Variants in IGSF9 observed in about 807,000 individuals in gnomAD.
IGSF9 encodes the protein protein turtle homolog A.
IGSF9 carries 87 observed loss-of-function variants against 121.7 expected under a neutral mutation model. The ratio of observed to expected loss-of-function variants is 0.71; its 90% CI spans 0.60 to 0.85. The LOEUF (loss-of-function observed/expected upper bound fraction) is 0.85. IGSF9 is among the 40% of genes least tolerant of loss of function. The pLI is 0.00. For synonymous variants in IGSF9, 640 were observed against 648.4 expected, an observed-to-expected ratio of 0.99 and a Z score of 0.20; for missense variants, 1,462 against 1,565.3, an observed-to-expected ratio of 0.93 and a Z score of 1.11.
Position 159,929,733 on chromosome 1 carries a change from C to G in IGSF9, c.2231G>C (p.Cys744Ser), listed in dbSNP as rs1650910289. The G allele has an allele frequency of 6.2e-7, 1 of 1,602,354 alleles. No homozygotes were observed. Among genetic ancestry groups the G allele is most frequent in the Admixed American group, 1.7e-5 (1 of 58,360 alleles). The change falls in exon 17 of 21, where the codon TGC (cysteine) becomes TCC (serine). Residue 744 changes from cysteine to serine, a missense_variant. Coordinates refer to ENST00000368094, the MANE Select transcript of IGSF9 (RefSeq NM_001135050.2). Reference sequence around the variant, plus strand: ...CACAAGGACGGCCACTCCCAGAAAGCAGACTCCGCCCACCACGCCGGCCAG... The same window carrying G: ...CACAAGGACGGCCACTCCCAGAAAGGAGACTCCGCCCACCACGCCGGCCAG... ...PVLAGVVGGV[C>S]FLGVAVLVSI...
intron 3 of IGSF9, among the ~76,000 whole-genome samples, chr1:159,940,526 T>A (rs1651341592): frequency 6.6e-6 from 1 of 152,116 alleles, no homozygotes; most frequent in Non-Finnish European, 1.5e-5. Context: ...GGAGACACAG[T>A]CTCTGCTCTC....
intron 3 of IGSF9, among the ~76,000 whole-genome samples, chr1:159,938,341 C>A (rs1651267507): frequency 6.6e-6 from 1 of 152,190 alleles, no homozygotes; most frequent in African/African-American, 2.4e-5. Flanking sequence ...TCCCTCAGGG[C>A]TATTATCAGC....
intron 19 of IGSF9, 90 bp downstream of exon 19, chr1:159,928,068 G>A: frequency 6.6e-7 from 1 of 1,517,298 alleles, no homozygotes; most frequent in Non-Finnish European, 8.9e-7. Context: ...GGTGGGAGTG[G>A]AGCAGAGAAG....
rs778769134 is a variant in IGSF9 at position 159,929,694 on chromosome 1, C to A, written c.2270G>T (p.Gly757Val). 6.3e-7 allele frequency: 1 copy of A among 1,597,504 alleles called. No homozygotes were observed. Among genetic ancestry groups the A allele is most frequent in the South Asian group, 1.1e-5 (1 of 88,398 alleles). The change falls in exon 17 of 21, where the codon GGC becomes GTC. Residue 757 changes from glycine (G) to valine (V), a missense_variant. By Grantham distance (109) the Gly-to-Val change is moderately radical (BLOSUM62 -3). Around this residue, in one of 3 missense-constraint regions of IGSF9, gnomAD observed 808 missense variants for 815.2 expected, o/e 0.99. Transcript: ENST00000368094. ...GVAVLVSILAGCLLNRRRAAR... is the reference protein window; with the variant it reads ...GVAVLVSILAVCLLNRRRAAR... The stretch of plus-strand genomic sequence containing the variant: ...AGCCCTGCGCCGGTTCAGGAGGCAG[C>A]CGGCCAGGATGCTCACAAGGACGGC...
rs1650838004 is a variant in IGSF9, at chr1:159,928,527, T to C, written c.2861A>G (p.Asp954Gly). ...LEEPSPAAPP[D>G]YMDTRRCPTS... is the part of the protein sequence containing the mutation. ...GGGACAGCGCCGGGTATCCATGTAA[T>C]CTGGGGGTGCAGCAGGGCTGGGCTC... The change falls in exon 19 of 21, where the codon GAT (aspartate) becomes GGT (glycine). Residue 954 changes from aspartate to glycine, a missense_variant. By Grantham distance (94) the Asp-to-Gly change is moderately conservative (BLOSUM62 -1). Transcript: ENST00000368094. The C allele has an allele frequency of 6.4e-7, 1 of 1,561,968 alleles. No homozygotes were observed. The highest frequency in any genetic ancestry group is 8.7e-7 in the Non-Finnish European group (1 of 1,151,900).
Position 159,934,763 on chromosome 1 carries a change from A to C in IGSF9, c.733T>G (p.Ser245Ala). Residue 245 changes from serine to alanine, a missense_variant, in exon 7 of 21, where the codon TCA becomes GCA. By Grantham distance (99) the Ser-to-Ala change is moderately conservative. Around this residue, in one of 3 missense-constraint regions of IGSF9, gnomAD observed 558 missense variants for 599.4 expected, o/e 0.93. Coordinates refer to ENST00000368094, the MANE Select transcript of IGSF9 (RefSeq NM_001135050.2). Reference protein sequence around the residue: ...NSTVNASQDVSLACHAEAYPA... With the variant: ...NSTVNASQDVALACHAEAYPA... Reference sequence around the variant, plus strand: ...TATGCCTCAGCATGGCAGGCCAATGAAACATCCTGGGAGGCATTGACTGTG... The same window carrying C: ...TATGCCTCAGCATGGCAGGCCAATGCAACATCCTGGGAGGCATTGACTGTG... 6.2e-7 allele frequency: 1 copy of C among 1,614,186 alleles called. No individual in the cohort carries two copies. The highest frequency in any genetic ancestry group is 1.1e-5 in the South Asian group (1 of 91,088).
Position 159,930,744 on chromosome 1 carries a change from C to A in IGSF9, c.1761G>T (p.Gln587His). ...HTQYQFSVLA[Q>H]NKLGSGPFSE... is the part of the protein sequence containing the mutation. Reference sequence around the variant, plus strand: ...TGAAGGGACCACTCCCCAGCTTGTTCTGAGCTAGCACGCTGAACTGGTACT... The same window carrying A: ...TGAAGGGACCACTCCCCAGCTTGTTATGAGCTAGCACGCTGAACTGGTACT... The change falls in exon 14 of 21, where the codon CAG becomes CAT. Residue 587 changes from glutamine (Q) to histidine (H), a missense_variant. By Grantham distance (24) the Gln-to-His change is conservative. Around this residue, in one of 3 missense-constraint regions of IGSF9, gnomAD observed 808 missense variants for 815.2 expected, o/e 0.99. Transcript: ENST00000368094. 6.2e-7 allele frequency: 1 copy of A among 1,614,160 alleles called. No homozygotes were observed. Among genetic ancestry groups the A allele is most frequent in the Non-Finnish European group, 8.5e-7 (1 of 1,180,010 alleles).
Position 159,943,462 on chromosome 1 carries a change from C to G in IGSF9, c.-8G>C, listed in dbSNP as rs1571223038. 6.4e-7 allele frequency: 1 copy of G among 1,558,554 alleles called. No individual in the cohort carries two copies. The highest frequency in any genetic ancestry group is 8.7e-7 in the Non-Finnish European group (1 of 1,152,366). ...GCCGAGGCACCACACCATAGCCCAGCTGGCCTGCTCACCCAGCCCCTCCTA... is the reference window on the plus strand; with the variant it reads ...GCCGAGGCACCACACCATAGCCCAGGTGGCCTGCTCACCCAGCCCCTCCTA... On this transcript the variant is annotated 5_prime_UTR_variant, in exon 2 of 21. Transcript: ENST00000368094.
intron 18 of IGSF9, 84 bp from the exon 19 acceptor site, chr1:159,929,102 G>T: frequency 1.4e-6 from 2 of 1,454,898 alleles, no homozygotes; most frequent in Non-Finnish European, 1.8e-6. Flanking sequence ...GAGGTTTGGT[G>T]AACAACAGAG....
Position 159,927,097 on chromosome 1 carries a change from C to CACACACACAGAG in IGSF9, c.*247_*248insCTCTGTGTGTGT, listed in dbSNP as rs762782876. On this transcript the variant is annotated 3_prime_UTR_variant, in exon 21 of 21. Transcript: ENST00000368094. ...AACTTCACACACACACACACACACA[C>CACACACACAGAG]AGAGAGAGAGAGAGAGAGAGAGAGA... 7.3e-5 allele frequency: 27 copies of CACACACACAGAG among 371,952 alleles called. No homozygotes were observed. Among genetic ancestry groups the CACACACACAGAG allele is most frequent in the African/African-American group, 5.7e-4 (24 of 42,326 alleles). 23.0% of individuals were successfully genotyped at this position (371,952 alleles called of 1,614,324 possible).
At position 159,937,777 on chromosome 1, in the gene IGSF9, C is replaced by T; in HGVS notation, c.309G>A (p.Gln103=). 1 of 1,614,130 alleles carries T rather than the reference C, an allele frequency of 6.2e-7. No individual in the cohort carries two copies. Among genetic ancestry groups the T allele is most frequent in the South Asian group, 1.1e-5 (1 of 91,088 alleles). The change falls in exon 4 of 21, where the codon CAG becomes CAA. Residue 103 remains glutamine (Q), a synonymous_variant. Transcript: ENST00000368094. The part of the protein sequence containing the change: ...LQIEGLRVED[Q]GWYECRVFFL... ...AGAACACGCGGCACTCGTACCAGCCCTGGTCTTCCACCCGGAGACCCTCAA... is the reference window on the plus strand; with the variant it reads ...AGAACACGCGGCACTCGTACCAGCCTTGGTCTTCCACCCGGAGACCCTCAA...
In IGSF9 at chr1:159,930,886, TG is replaced by T. The variant is rs754752758; in HGVS notation, c.1638-20del. The T allele has an allele frequency of 3.2e-6, 5 of 1,584,014 alleles. No individual in the cohort carries two copies. Among genetic ancestry groups the T allele is most frequent in the Non-Finnish European group, 4.3e-6 (5 of 1,164,928 alleles). ...CTTGGCCCTGGGAGACATGAGGACA[TG>T]GGGGGCACCTCGTGAGCTAGGAAGA... On this transcript the variant is annotated intron_variant, in intron 13 of 20. Transcript: ENST00000368094.
At position 159,943,119 on chromosome 1, in the gene IGSF9, C is replaced by T. The variant is rs375312150; in HGVS notation, c.91G>A (p.Gly31Ser). 1.9e-5 allele frequency: 30 copies of T among 1,599,418 alleles called. No individual in the cohort carries two copies. The African/African-American group carries it at 3.8e-4, about 20-fold the overall frequency. ...RGKPEVVSVV[G>S]RAGESVVLGC... Reference sequence around the variant, plus strand: ...AGCACCACACTCTCCCCAGCCCGGCCCACCACCGATACCACCTCAGGCTTC... The same window carrying T: ...AGCACCACACTCTCCCCAGCCCGGCTCACCACCGATACCACCTCAGGCTTC... Residue 31 changes from glycine to serine, a missense_variant, in exon 3 of 21, where the codon GGC (glycine) becomes AGC (serine). Around this residue, in one of 3 missense-constraint regions of IGSF9, gnomAD observed 558 missense variants for 599.4 expected, o/e 0.93. Coordinates refer to ENST00000368094, the MANE Select transcript of IGSF9 (RefSeq NM_001135050.2).
At chr1:159,940,546 C>G (rs1238070495) in intron 3 of IGSF9, among the ~76,000 whole-genome samples, 2 of 152,168 alleles carry the variant, frequency 1.3e-5, no homozygotes, top group African/African-American at 4.8e-5. Flanking sequence ...CTTAAGCTCT[C>G]GGAAGGCAGG....
chr1:159,937,792 G>A lies in IGSF9; in HGVS notation c.294C>T (p.Leu98=), dbSNP rs954833046. The change falls in exon 4 of 21, where the codon CTC becomes CTT. Residue 98 remains leucine (L), a synonymous_variant. Coordinates refer to ENST00000368094, the MANE Select transcript of IGSF9 (RefSeq NM_001135050.2). ...QKGASLQIEG[L]RVEDQGWYEC... ...CGTACCAGCCCTGGTCTTCCACCCG[G>A]AGACCCTCAATCTGGAGAGAGGCCC... 2 of 1,613,950 alleles carry A rather than the reference G, an allele frequency of 1.2e-6. No homozygotes were observed. Among genetic ancestry groups the A allele is most frequent in the Non-Finnish European group, 1.7e-6 (2 of 1,179,974 alleles).
intron 3 of IGSF9, 93 bp from the exon 4 acceptor site, chr1:159,937,931 G>T (rs1651253072): frequency 1.5e-6 from 2 of 1,342,512 alleles, no homozygotes; most frequent in African/African-American, 1.5e-5. Context: ...GGTAAGAACA[G>T]GCTCAGTCTC....
Position 159,937,667 on chromosome 1 carries a change from C to T in IGSF9, c.400+19G>A, listed in dbSNP as rs370513795. On this transcript the variant is annotated intron_variant, in intron 4 of 20. Transcript: ENST00000368094. ...CCTCCTCCCCGTCCTTCTCCACCACCTGCCCCCCAGCTTCATACAATTGAC... is the reference window on the plus strand; with the variant it reads ...CCTCCTCCCCGTCCTTCTCCACCACTTGCCCCCCAGCTTCATACAATTGAC... The T allele has an allele frequency of 1.7e-5, 28 of 1,605,300 alleles. No individual in the cohort carries two copies. The African/African-American group carries it at 3.6e-4, about 21-fold the overall frequency.
rs550546430 is a variant in IGSF9, at chr1:159,930,538, G to A, written c.1814-99C>T. 3.9e-6 allele frequency: 6 copies of A among 1,520,650 alleles called. No individual in the cohort carries two copies. In the East Asian group the frequency reaches 9.1e-5, roughly 23 times the overall value. The allele number at this position is 1,520,650 out of a possible 1,614,324, so 94.2% of individuals were successfully genotyped here. A position where few individuals can be genotyped will look rare whatever the true frequency, so the allele number is the denominator to read the frequency against. ...GCCCAACTCTTCTCCCAGAACCCCT[G>A]AAGACAAGCTCAAATCATCTTCCAC... On this transcript the variant is annotated intron_variant, in intron 14 of 20. Transcript: ENST00000368094.
chr1:159,934,156 C>G, intron 9 of IGSF9, 34 bp downstream of exon 9: 1 of 1,591,288 alleles, frequency 6.3e-7, no homozygotes, highest in Non-Finnish European at 8.6e-7. Flanking sequence ...TAACGCCAAG[C>G]TAAGACCCTC....
Sources: allele counts gnomAD v4.1 joint callset (sites outside exome capture counted in the v4.1 genomes callset), GRCh38; gene constraint gnomAD v4.1.1; regional missense constraint gnomAD v4.1.1; transcripts MANE v1.5; gene names NCBI Gene and HGNC (gene_info 2026-07-23, HGNC 2026-07-21).